The following TRHDE variants were observed in gnomAD, a reference collection of about 807,000 sequenced individuals.
The protein encoded by TRHDE is thyrotropin-releasing hormone-degrading ectoenzyme.
In TRHDE, 72 loss-of-function variants were observed where a neutral mutation model predicts 125.7. The ratio of observed to expected loss-of-function variants is 0.57; its 90% CI spans 0.47 to 0.70. TRHDE has a LOEUF of 0.70. Ranked by LOEUF, TRHDE falls within the 30% of genes least tolerant of loss-of-function variation. The pLI is 0.00. For synonymous variants in TRHDE, 509 were observed against 509.1 expected (o/e 1.00, Z 0.00); for missense variants, 1,110 against 1,327.1 (o/e 0.84, Z 2.54).
At chr12:72,366,201 C>T (rs117980308) in intron 2 of TRHDE, among the ~76,000 whole-genome samples, 1,639 of 152,150 alleles carry the variant, frequency 0.011, 18 homozygotes, top group Middle Eastern at 0.017. Context: ...CTGTAGAAGG[C>T]AACATTAAGA....
At chr12:72,238,514 G>T (rs1878409040) in intron 2 of TRHDE, among the ~76,000 whole-genome samples, 1 of 150,500 alleles carries the variant, frequency 6.6e-6, no homozygotes, top group Admixed American at 6.7e-5. Context: ...CCTACATTAG[G>T]TATTTCTCCT....
At chr12:72,526,212 A>G (rs1405417142) in intron 6 of TRHDE, among the ~76,000 whole-genome samples, 1 of 152,108 alleles carries the variant, frequency 6.6e-6, no homozygotes, top group Non-Finnish European at 1.5e-5. Context: ...ATGATAGTTT[A>G]TATCCCAATA....
intron 2 of TRHDE, among the ~76,000 whole-genome samples, chr12:72,182,152 G>A (rs1412144928): frequency 6.6e-6 from 1 of 152,158 alleles, no homozygotes; most frequent in Non-Finnish European, 1.5e-5. Context: ...GACTTTCAGT[G>A]TGTCTACCCA....
At position 72,562,965 on chromosome 12, in the gene TRHDE, GAAT is replaced by G. The variant is rs1278530108; in HGVS notation, c.1974_1976del (p.Ile659del). The G allele has an allele frequency of 1.9e-6, 3 of 1,610,760 alleles. No homozygotes were observed. Among genetic ancestry groups the G allele is most frequent in the South Asian group, 1.1e-5 (1 of 90,686 alleles). The stretch of plus-strand genomic sequence containing the variant: ...TTGGGAAACACAACAGCAGAAAATA[GAAT>G]AATAATTACCCAACAGCATTTTATC... On this transcript the variant is annotated inframe_deletion, in exon 9 of 19. Coordinates refer to ENST00000261180, the MANE Select transcript of TRHDE (RefSeq NM_013381.3).
At chr12:72,612,953 T>C (rs1872687339) in intron 12 of TRHDE, among the ~76,000 whole-genome samples, 1 of 152,170 alleles carries the variant, frequency 6.6e-6, no homozygotes, top group Non-Finnish European at 1.5e-5. Flanking sequence ...TTAGCATGTG[T>C]AGAGAAGAAA....
At chr12:72,437,618 A>C (rs1437444405) in intron 3 of TRHDE, among the ~76,000 whole-genome samples, 1 of 151,868 alleles carries the variant, frequency 6.6e-6, no homozygotes, top group Non-Finnish European at 1.5e-5. Context: ...AGTGCAAAAT[A>C]GTTTCTATTC....
chr12:72,360,082 AC>A (rs1408306448), intron 2 of TRHDE, among the ~76,000 whole-genome samples: 2 of 151,716 alleles, frequency 1.3e-5, no homozygotes, highest in African/African-American at 2.4e-5. Context: ...ATTTCACAGC[AC>A]TCACACAATA....
chr12:72,432,437 A>G (rs1448435764), intron 3 of TRHDE, among the ~76,000 whole-genome samples: 1 of 152,136 alleles, frequency 6.6e-6, no homozygotes, highest in Non-Finnish European at 1.5e-5. Context: ...ATATAAGTAA[A>G]CAACCTTGTT....
At chr12:72,094,842 G>A (rs1204958999) in intron 1 of TRHDE, among the ~76,000 whole-genome samples, 1 of 152,228 alleles carries the variant, frequency 6.6e-6, no homozygotes, top group Non-Finnish European at 1.5e-5. Flanking sequence ...CCCTTTCAAA[G>A]TGGTCCTCCT....
At chr12:72,335,347 C>A (rs1205717846) in intron 2 of TRHDE, among the ~76,000 whole-genome samples, 3 of 152,168 alleles carry the variant, frequency 2.0e-5, no homozygotes, top group Non-Finnish European at 1.5e-5. Context: ...ACATTAAATA[C>A]AAATGAACAG....
chr12:72,218,111 TAAAG>T (rs1273920695), intron 2 of TRHDE, among the ~76,000 whole-genome samples: 2 of 152,072 alleles, frequency 1.3e-5, no homozygotes, highest in African/African-American at 2.4e-5. Flanking sequence ...TCTGTTCAAA[TAAAG>T]ATACTAATGT....
At chr12:72,253,337 A>T (rs919258986) in intron 2 of TRHDE, among the ~76,000 whole-genome samples, 2 of 152,062 alleles carry the variant, frequency 1.3e-5, no homozygotes, top group East Asian at 3.8e-4. Context: ...TCCTTTTGAA[A>T]CTGTATACAT....
At chr12:72,208,023 T>C (rs1877703464) in intron 2 of TRHDE, among the ~76,000 whole-genome samples, 1 of 152,162 alleles carries the variant, frequency 6.6e-6, no homozygotes. Flanking sequence ...ACCATTCTGC[T>C]GCCCCCTCCA....
intron 6 of TRHDE, among the ~76,000 whole-genome samples, chr12:72,532,750 TTCTC>T (rs1565780776): frequency 6.7e-6 from 1 of 150,342 alleles, no homozygotes; most frequent in Admixed American, 6.7e-5. Flanking sequence ...CTTAAATATT[TTCTC>T]TCTCTTCATA....
intron 2 of TRHDE, among the ~76,000 whole-genome samples, chr12:72,200,257 G>T (rs1465102205): frequency 3.3e-5 from 5 of 152,184 alleles, no homozygotes; most frequent in Non-Finnish European, 5.9e-5. Flanking sequence ...GTATAGTAAG[G>T]ATTGTTTGTG....
intron 3 of TRHDE, among the ~76,000 whole-genome samples, chr12:72,399,517 T>C (rs1246402143): frequency 6.6e-6 from 1 of 152,196 alleles, no homozygotes; most frequent in Non-Finnish European, 1.5e-5. Context: ...TTTTACTTAT[T>C]ATTCACATAA....
chr12:72,092,412 A>C (rs1272473594), intron 1 of TRHDE, among the ~76,000 whole-genome samples: 1 of 152,220 alleles, frequency 6.6e-6, no homozygotes, highest in Non-Finnish European at 1.5e-5. Context: ...CATAGTTAGG[A>C]GCTCTGTTTT....
intron 15 of TRHDE, among the ~76,000 whole-genome samples, chr12:72,622,074 CTT>C (rs1447996053): frequency 6.6e-6 from 1 of 152,036 alleles, no homozygotes; most frequent in East Asian, 1.9e-4. Context: ...AATCCAGACT[CTT>C]TCAGGTTCTT....
At chr12:72,463,887 T>A (rs1317046760) in intron 3 of TRHDE, among the ~76,000 whole-genome samples, 1 of 152,194 alleles carries the variant, frequency 6.6e-6, no homozygotes, top group Non-Finnish European at 1.5e-5. Context: ...TGGATTTCAG[T>A]TAGTATGTAC....
Sources: gnomAD v4.1 joint callset for allele counts (sites outside exome capture counted in the v4.1 genomes callset) on GRCh38, gnomAD v4.1.1 for gene constraint, MANE v1.5 for transcripts, NCBI Gene and HGNC (gene_info 2026-07-23, HGNC 2026-07-21) for gene names.